GSX1: variants seen among roughly 807,000 people sequenced by gnomAD.
GSX1 encodes GS homeo box protein 1.
GSX1 carries 13 observed loss-of-function variants against 17.7 expected under a neutral mutation model. The ratio of observed to expected loss-of-function variants is 0.74; its 90% confidence interval spans 0.48 to 1.17. GSX1 has a LOEUF of 1.17. GSX1 is among the 50% of genes most tolerant of loss of function. GSX1 has a pLI of 0.00. For missense variants in GSX1, 371 were observed against 372.1 expected (o/e 1.00, Z 0.02); for synonymous variants, 202 against 176.2 (o/e 1.15, Z -1.16).
In GSX1 at chr13:27,792,657, C is replaced by T. The variant is rs1270103893; in HGVS notation, c.-34C>T. On this transcript the variant is annotated 5_prime_UTR_variant, in exon 1 of 2. Transcript: ENST00000302945. Reference sequence around the variant, plus strand: ...CGAAAGGTGCGGTGGGCGCAGAGGGCGGGCTGGCTGCGGGGCGACCGCGCG... The same window carrying T: ...CGAAAGGTGCGGTGGGCGCAGAGGGTGGGCTGGCTGCGGGGCGACCGCGCG... 3 of 1,345,900 alleles carry T rather than the reference C, an allele frequency of 2.2e-6. No individual in the cohort carries two copies. Among genetic ancestry groups the T allele is most frequent in the East Asian group, 3.1e-5 (1 of 32,090 alleles). 83.4% of individuals were successfully genotyped at this position (1,345,900 alleles called of 1,614,324 possible).
rs757832673 is a variant in GSX1, at chr13:27,792,918, G to T, written c.228G>T (p.Leu76=). ...QLHGPPGPPA[L]PLLKASFPPF... ...ATGGGCCCCCCGGGCCGCCCGCGCT[G>T]CCTCTACTCAAGGCTTCCTTCCCAC... Residue 76 remains leucine (L), a synonymous_variant, in exon 1 of 2, where the codon CTG becomes CTT. Coordinates refer to ENST00000302945, the MANE Select transcript of GSX1 (RefSeq NM_145657.3). The T allele has an allele frequency of 6.5e-7, 1 of 1,529,190 alleles. No homozygotes were observed. Among genetic ancestry groups the T allele is most frequent in the South Asian group, 1.2e-5 (1 of 83,394 alleles). 94.7% of individuals were successfully genotyped at this position (1,529,190 alleles called of 1,614,324 possible).
Position 27,793,948 on chromosome 13 carries a change from G to A in GSX1, c.795G>A (p.Ter265=), listed in dbSNP as rs766625333. 2.6e-6 allele frequency: 4 copies of A among 1,546,246 alleles called. No individual in the cohort carries two copies. Among genetic ancestry groups the A allele is most frequent in the Non-Finnish European group, 3.5e-6 (4 of 1,144,978 alleles). The change falls in exon 2 of 2, where the codon TAG becomes TAA. Residue 265 remains the stop codon, a stop_retained_variant. Coordinates refer to ENST00000302945, the MANE Select transcript of GSX1 (RefSeq NM_145657.3). The surrounding 1 kb of genome is among the most constrained non-coding windows in gnomAD (Gnocchi z 6.2). ...KDDRDLTVTP[*] is the part of the protein sequence containing the mutation. ...ACCGGGATCTTACGGTCACTCCCTA[G>A]GCGCGTGTCTCCCTAGGTCGCCCAC...
Position 27,792,522 on chromosome 13 carries a change from T to C in GSX1, c.-169T>C. On this transcript the variant is annotated 5_prime_UTR_variant, in exon 1 of 2. Coordinates refer to ENST00000302945, the MANE Select transcript of GSX1 (RefSeq NM_145657.3). ...CCAGCACCCCGCGCTCTTTGGGCGG[T>C]GCCCACGGCAGCAGAGGCTACTGTT... 1.7e-6 allele frequency: 1 copy of C among 581,480 alleles called. No individual in the cohort carries two copies. Among genetic ancestry groups the C allele is most frequent in the Non-Finnish European group, 2.7e-6 (1 of 374,774 alleles). The allele number at this position is 581,480 out of a possible 1,614,324, so 36.0% of individuals were successfully genotyped here.
Position 27,792,633 on chromosome 13 carries a change from G to T in GSX1, c.-58G>T. 7.6e-7 allele frequency: 1 copy of T among 1,308,508 alleles called. No individual in the cohort carries two copies. The highest frequency in any genetic ancestry group is 2.0e-5 in the South Asian group (1 of 49,000). 81.1% of individuals were successfully genotyped at this position (1,308,508 alleles called of 1,614,324 possible). A position where few individuals can be genotyped will look rare whatever the true frequency, so the allele number is the denominator to read the frequency against. On this transcript the variant is annotated 5_prime_UTR_variant, in exon 1 of 2. Coordinates refer to ENST00000302945, the MANE Select transcript of GSX1 (RefSeq NM_145657.3). ...GGCCAGGGAAAGCGCGTGGAGAGCC[G>T]AAAGGTGCGGTGGGCGCAGAGGGCG... is the stretch of plus-strand genomic sequence containing the variant.
In GSX1 at chr13:27,792,508, C is replaced by T; in HGVS notation, c.-183C>T. ...ACCACTAGCGCTGGCCAGCACCCCGCGCTCTTTGGGCGGTGCCCACGGCAG... is the reference window on the plus strand; with the variant it reads ...ACCACTAGCGCTGGCCAGCACCCCGTGCTCTTTGGGCGGTGCCCACGGCAG... On this transcript the variant is annotated 5_prime_UTR_variant, in exon 1 of 2. Transcript: ENST00000302945. 1.9e-6 allele frequency: 1 copy of T among 531,754 alleles called. No individual in the cohort carries two copies. The allele number at this position is 531,754 out of a possible 1,614,324, so 32.9% of individuals were successfully genotyped here. A position where few individuals can be genotyped will look rare whatever the true frequency, so the allele number is the denominator to read the frequency against.
In GSX1 at chr13:27,793,869, G is replaced by A; in HGVS notation, c.716G>A (p.Cys239Tyr). Residue 239 changes from cysteine (C) to tyrosine (Y), a missense_variant, in exon 2 of 2, where the codon TGC (cysteine) becomes TAC (tyrosine). By Grantham distance (194) the Cys-to-Tyr change is radical. Transcript: ENST00000302945. This position sits in a 1 kb window ranked among gnomAD's most constrained non-coding sequence, Gnocchi z 6.2. ...TGCGCATCGCTCTCCTCAGCCAAGT[G>A]CTCCGAGGATGACGACGAATTGCCC... ...CKCASLSSAK[C>Y]SEDDDELPMS... The A allele has an allele frequency of 6.2e-7, 1 of 1,601,050 alleles. No homozygotes were observed. The highest frequency in any genetic ancestry group is 8.5e-7 in the Non-Finnish European group (1 of 1,172,012).
Position 27,792,725 on chromosome 13 carries a change from T to C in GSX1, c.35T>C (p.Leu12Pro), listed in dbSNP as rs757690918. The C allele has an allele frequency of 1.4e-6, 2 of 1,475,602 alleles. No homozygotes were observed. The highest frequency in any genetic ancestry group is 2.6e-5 in the South Asian group (2 of 76,290). The allele number at this position is 1,475,602 out of a possible 1,614,324, so 91.4% of individuals were successfully genotyped here. ...TCCTTCCTGGTGGACTCGCTAGTGC[T>C]GCGCGAGGCGGGCGAGAAGAAGGCG... is the stretch of plus-strand genomic sequence containing the variant. ...PRSFLVDSLV[L>P]REAGEKKAPE... The change falls in exon 1 of 2, where the codon CTG becomes CCG. Residue 12 changes from leucine to proline, a missense_variant. Physicochemically the swap from Leu to Pro is moderately conservative, Grantham distance 98. Transcript: ENST00000302945.
In GSX1 at chr13:27,794,020, T is replaced by A; in HGVS notation, c.*72T>A. The A allele has an allele frequency of 6.8e-7, 1 of 1,472,414 alleles. No homozygotes were observed. Among genetic ancestry groups the A allele is most frequent in the Non-Finnish European group, 9.1e-7 (1 of 1,104,034 alleles). 91.2% of individuals were successfully genotyped at this position (1,472,414 alleles called of 1,614,324 possible). On this transcript the variant is annotated 3_prime_UTR_variant, in exon 2 of 2. Coordinates refer to ENST00000302945, the MANE Select transcript of GSX1 (RefSeq NM_145657.3). ...GGAGACTAGTCCTGGGACTCAGCGC[T>A]GATTCCCAGGCACCCGCAGCCAAAC...
Position 27,792,814 on chromosome 13 carries a change from C to G in GSX1, c.124C>G (p.Leu42Val). The change falls in exon 1 of 2, where the codon CTC becomes GTC. Residue 42 changes from leucine to valine, a missense_variant. Around this residue, in one of 3 missense-constraint regions of GSX1, gnomAD observed 212 missense variants for 193.9 expected, o/e 1.09. Coordinates refer to ENST00000302945, the MANE Select transcript of GSX1 (RefSeq NM_145657.3). ...GCCCCCGCCGCACGCGCTGCACGGT[C>G]TCTCGCCTGGCGCCTGCCACGCGCG... Reference protein sequence around the residue: ...AVPPPHALHGLSPGACHARKA... With the variant: ...AVPPPHALHGVSPGACHARKA... 1 of 1,507,786 alleles carries G rather than the reference C, an allele frequency of 6.6e-7. No homozygotes were observed. The highest frequency in any genetic ancestry group is 2.7e-5 in the East Asian group (1 of 37,354). 93.4% of individuals were successfully genotyped at this position (1,507,786 alleles called of 1,614,324 possible). A position where few individuals can be genotyped will look rare whatever the true frequency, so the allele number is the denominator to read the frequency against.
rs752503192 is a variant in GSX1, at chr13:27,793,825, C to A, written c.672C>A (p.Ser224Arg). 2 of 1,612,616 alleles carry A rather than the reference C, an allele frequency of 1.2e-6. No homozygotes were observed. The highest frequency in any genetic ancestry group is 1.3e-5 in the African/African-American group (1 of 75,044). The change falls in exon 2 of 2, where the codon AGC becomes AGA. Residue 224 changes from serine (S) to arginine (R), a missense_variant. Physicochemically the swap from Ser to Arg is moderately radical, Grantham distance 110. Coordinates refer to ENST00000302945, the MANE Select transcript of GSX1 (RefSeq NM_145657.3). The surrounding 1 kb of genome is among the most constrained non-coding windows in gnomAD (Gnocchi z 6.2). ...GCGGGGGTGCCGGTGGTGGCGGGAG[C>A]GCACCGCAAGGCTGCAAGTGCGCAT... Reference protein sequence around the residue: ...GGGGGAGGGGSAPQGCKCASL... With the variant: ...GGGGGAGGGGRAPQGCKCASL...
Position 27,793,171 on chromosome 13 carries a change from G to C in GSX1, c.412+69G>C. On this transcript the variant is annotated intron_variant, in intron 1 of 1. Transcript: ENST00000302945. The surrounding 1 kb of genome is among the most constrained non-coding windows in gnomAD (Gnocchi z 6.2). ...GAAGCAGGATGGAGAGCCAGAGATG[G>C]AGGAAGAGGGACCCTGGGCTTTCTG... The C allele has an allele frequency of 7.1e-7, 1 of 1,413,466 alleles. No individual in the cohort carries two copies. Among genetic ancestry groups the C allele is most frequent in the Non-Finnish European group, 9.3e-7 (1 of 1,079,064 alleles). 87.6% of individuals were successfully genotyped at this position (1,413,466 alleles called of 1,614,324 possible).
rs756417012 is a variant in GSX1, at chr13:27,793,022, C to A, written c.332C>A (p.Ala111Asp). The change falls in exon 1 of 2, where the codon GCC (alanine) becomes GAC (aspartate). Residue 111 changes from alanine to aspartate, a missense_variant. Transcript: ENST00000302945. The surrounding 1 kb of genome is among the most constrained non-coding windows in gnomAD (Gnocchi z 6.2). ...AVSPGVAHGP[A>D]AAAAAAALYQ... ...TCGCCCGGGGTCGCTCACGGCCCGG[C>A]CGCCGCTGCTGCTGCCGCCGCGCTC... The A allele has an allele frequency of 6.3e-7, 1 of 1,581,130 alleles. No homozygotes were observed. Among genetic ancestry groups the A allele is most frequent in the Non-Finnish European group, 8.5e-7 (1 of 1,171,440 alleles).
rs1266286663 is a variant in GSX1 at position 27,793,215 on chromosome 13, T to A, written c.412+113T>A. 2.5e-6 allele frequency: 3 copies of A among 1,208,788 alleles called. No homozygotes were observed. Among genetic ancestry groups the A allele is most frequent in the Admixed American group, 5.9e-5 (2 of 33,700 alleles). The allele number at this position is 1,208,788 out of a possible 1,614,324, so 74.9% of individuals were successfully genotyped here. The stretch of plus-strand genomic sequence containing the variant: ...CTTTCTGGGGGCGGTGAGGGTCATG[T>A]CGGGGACTAAGGGGGGCGCTTGGGG... On this transcript the variant is annotated intron_variant, in intron 1 of 1. Coordinates refer to ENST00000302945, the MANE Select transcript of GSX1 (RefSeq NM_145657.3). This position sits in a 1 kb window ranked among gnomAD's most constrained non-coding sequence, Gnocchi z 6.2.
chr13:27,793,732 C>A lies in GSX1; in HGVS notation c.579C>A (p.Ile193=). 6.2e-7 allele frequency: 1 copy of A among 1,614,218 alleles called. No homozygotes were observed. Among genetic ancestry groups the A allele is most frequent in the Non-Finnish European group, 8.5e-7 (1 of 1,180,050 alleles). The change falls in exon 2 of 2, where the codon ATC becomes ATA. Residue 193 remains isoleucine (I), a synonymous_variant. Coordinates refer to ENST00000302945, the MANE Select transcript of GSX1 (RefSeq NM_145657.3). This position sits in a 1 kb window ranked among gnomAD's most constrained non-coding sequence, Gnocchi z 6.2. ...ATCTGTCCGAGAAGCAGGTGAAGAT[C>A]TGGTTTCAGAACCGCCGAGTGAAGC... is the stretch of plus-strand genomic sequence containing the variant. ...YLNLSEKQVK[I]WFQNRRVKHK...
Position 27,793,431 on chromosome 13 carries a change from C to T in GSX1, c.413-135C>T, listed in dbSNP as rs1023713895. 2.3e-6 allele frequency: 2 copies of T among 860,190 alleles called. No homozygotes were observed. The highest frequency in any genetic ancestry group is 3.5e-6 in the Non-Finnish European group (2 of 569,166). The allele number at this position is 860,190 out of a possible 1,614,324, so 53.3% of individuals were successfully genotyped here. ...GCTGGACAAGGAGCGCTCACTGTAG[C>T]TCTGCTGTGGATTGTGTTGGGGCGA... On this transcript the variant is annotated intron_variant, in intron 1 of 1. Coordinates refer to ENST00000302945, the MANE Select transcript of GSX1 (RefSeq NM_145657.3). The surrounding 1 kb of genome is among the most constrained non-coding windows in gnomAD (Gnocchi z 6.2).
In GSX1 at chr13:27,793,903, G is replaced by T; in HGVS notation, c.750G>T (p.Pro250=). ...ATGACGACGAATTGCCCATGTCTCC[G>T]TCCTCCTCAGGGAAGGACGACCGGG... is the stretch of plus-strand genomic sequence containing the variant. ...SEDDDELPMS[P]SSSGKDDRDL... The change falls in exon 2 of 2, where the codon CCG becomes CCT. Residue 250 remains proline, a synonymous_variant. Coordinates refer to ENST00000302945, the MANE Select transcript of GSX1 (RefSeq NM_145657.3). This position sits in a 1 kb window ranked among gnomAD's most constrained non-coding sequence, Gnocchi z 6.2. 6.3e-7 allele frequency: 1 copy of T among 1,577,914 alleles called. No homozygotes were observed. The highest frequency in any genetic ancestry group is 8.6e-7 in the Non-Finnish European group (1 of 1,160,150).
rs1957078487 is a variant in GSX1, at chr13:27,793,351, A to G, written c.413-215A>G. On this transcript the variant is annotated intron_variant, in intron 1 of 1. Coordinates refer to ENST00000302945, the MANE Select transcript of GSX1 (RefSeq NM_145657.3). The surrounding 1 kb of genome is among the most constrained non-coding windows in gnomAD (Gnocchi z 6.2). ...TGAGGGCTGGGATCCAAGGCTCTCCATGAAGGGGAAGGGGTTCCAGGGCTG... is the reference window on the plus strand; with the variant it reads ...TGAGGGCTGGGATCCAAGGCTCTCCGTGAAGGGGAAGGGGTTCCAGGGCTG... Among the ~76,000 whole-genome samples, 1 of 152,050 alleles carries G rather than the reference A, an allele frequency of 6.6e-6. No individual in the cohort carries two copies. Among genetic ancestry groups the G allele is most frequent in the Admixed American group, 6.5e-5 (1 of 15,276 alleles).
Position 27,793,423 on chromosome 13 carries a change from C to T in GSX1, c.413-143C>T. On this transcript the variant is annotated intron_variant, in intron 1 of 1. Transcript: ENST00000302945. The surrounding 1 kb of genome is among the most constrained non-coding windows in gnomAD (Gnocchi z 6.2). ...ATCTCGGAGCTGGACAAGGAGCGCTCACTGTAGCTCTGCTGTGGATTGTGT... is the reference window on the plus strand; with the variant it reads ...ATCTCGGAGCTGGACAAGGAGCGCTTACTGTAGCTCTGCTGTGGATTGTGT... 1.2e-6 allele frequency: 1 copy of T among 801,578 alleles called. No homozygotes were observed. The highest frequency in any genetic ancestry group is 1.9e-6 in the Non-Finnish European group (1 of 519,860). The allele number at this position is 801,578 out of a possible 1,614,324, so 49.7% of individuals were successfully genotyped here. A position where few individuals can be genotyped will look rare whatever the true frequency, so the allele number is the denominator to read the frequency against.
rs1278146609 is a variant in GSX1 at position 27,793,645 on chromosome 13, C to A, written c.492C>A (p.Arg164=). ...FTSTQLLELE[R]EFASNMYLSR... ...GCACGCAGCTGCTAGAGCTGGAGCG[C>A]GAGTTCGCTTCTAATATGTACCTGT... The change falls in exon 2 of 2, where the codon CGC becomes CGA. Residue 164 remains arginine, a synonymous_variant. Coordinates refer to ENST00000302945, the MANE Select transcript of GSX1 (RefSeq NM_145657.3). This position sits in a 1 kb window ranked among gnomAD's most constrained non-coding sequence, Gnocchi z 6.2. 5.0e-6 allele frequency: 8 copies of A among 1,614,048 alleles called. No individual in the cohort carries two copies. Among genetic ancestry groups the A allele is most frequent in the Non-Finnish European group, 6.8e-6 (8 of 1,180,032 alleles).
Sources: gnomAD v4.1 joint callset for allele counts (sites outside exome capture counted in the v4.1 genomes callset) on GRCh38, gnomAD v4.1.1 for gene constraint, gnomAD v4.1.1 regional missense constraint, Gnocchi (gnomAD v3.1) non-coding constraint, MANE v1.5 for transcripts, NCBI Gene and HGNC (gene_info 2026-07-23, HGNC 2026-07-21) for gene names.